Variants in LRMDA observed in about 807,000 individuals in gnomAD.
LRMDA encodes leucine-rich melanocyte differentiation-associated protein.
A neutral mutation model predicts 29.8 loss-of-function variants in LRMDA; 18 were observed. The observed-to-expected ratio is 0.60, with a 90% CI of 0.42 to 0.90. The LOEUF (loss-of-function observed/expected upper bound fraction) is 0.90, where lower values mean the gene tolerates loss of function less well. LRMDA is among the 40% of genes least tolerant of loss of function. The probability of loss-of-function intolerance (pLI) is 0.00; values close to 1 mark genes in which losing one functional copy is unlikely to be tolerated. For synonymous variants in LRMDA, 125 were observed against 109.4 expected (o/e 1.14, Z -0.89); for missense variants, 273 against 273.9 (o/e 1.00, Z 0.02).
chr10:76,202,768 A>T (rs1237963631), intron 5 of LRMDA, among the ~76,000 whole-genome samples: 1 of 151,924 alleles, frequency 6.6e-6, no homozygotes, highest in Non-Finnish European at 1.5e-5. Flanking sequence ...AATCTGGAGG[A>T]AGGAGCGGAC....
chr10:76,297,737 C>T (rs1840429092), intron 5 of LRMDA, among the ~76,000 whole-genome samples: 1 of 152,106 alleles, frequency 6.6e-6, no homozygotes, highest in African/African-American at 2.4e-5. Flanking sequence ...AAGTCATTAT[C>T]ACCATTGCCC....
intron 2 of LRMDA, among the ~76,000 whole-genome samples, chr10:75,617,370 G>T (rs1366871609): frequency 6.6e-6 from 1 of 152,124 alleles, no homozygotes; most frequent in East Asian, 1.9e-4. Flanking sequence ...GGAGTACATG[G>T]TGGCAGCTTG....
At chr10:76,434,348 T>C (rs570340658) in intron 6 of LRMDA, among the ~76,000 whole-genome samples, 5 of 152,162 alleles carry the variant, frequency 3.3e-5, no homozygotes, top group Admixed American at 6.5e-5. Context: ...TCTTTAATTT[T>C]CTTCCTTTCT....
chr10:76,236,518 A>G (rs1191399016), intron 5 of LRMDA, among the ~76,000 whole-genome samples: 22 of 152,332 alleles, frequency 1.4e-4, no homozygotes, highest in Non-Finnish European at 4.4e-5. Context: ...TCCCTGTCCC[A>G]TGACTTACTC....
chr10:75,492,017 C>G (rs749038955), intron 2 of LRMDA, among the ~76,000 whole-genome samples: 4 of 152,142 alleles, frequency 2.6e-5, no homozygotes, highest in Non-Finnish European at 5.9e-5. Flanking sequence ...GAACAGTGCC[C>G]TCAAGATAAA....
At chr10:75,455,557 G>A (rs1027467126) in intron 2 of LRMDA, among the ~76,000 whole-genome samples, 3 of 152,154 alleles carry the variant, frequency 2.0e-5, no homozygotes, top group African/African-American at 7.2e-5. Context: ...TCTACTGCCT[G>A]GGAAGCTTAT....
intron 2 of LRMDA, among the ~76,000 whole-genome samples, chr10:75,787,887 G>C (rs1190965308): frequency 2.0e-5 from 3 of 152,268 alleles, no homozygotes; most frequent in African/African-American, 7.2e-5. Context: ...AAATTAGCTG[G>C]GCATGGTGGT....
intron 3 of LRMDA, among the ~76,000 whole-genome samples, chr10:76,037,909 G>A (rs976830808): frequency 1.3e-5 from 2 of 152,292 alleles, no homozygotes; most frequent in Non-Finnish European, 1.5e-5. Flanking sequence ...AAGTAGAAGG[G>A]GAGGGCCTAC....
intron 5 of LRMDA, among the ~76,000 whole-genome samples, chr10:76,127,394 G>A (rs532505870): frequency 3.0e-4 from 46 of 152,270 alleles, no homozygotes; most frequent in South Asian, 1.7e-3. Flanking sequence ...AAATATACTG[G>A]CTGCAGCACA....
At chr10:76,112,352 T>A (rs1034283638) in intron 5 of LRMDA, among the ~76,000 whole-genome samples, 1 of 152,146 alleles carries the variant, frequency 6.6e-6, no homozygotes, top group African/African-American at 2.4e-5. Context: ...TGCTTATCGC[T>A]AAGTGAGATC....
At chr10:76,211,579 T>TAA (rs1408459032) in intron 5 of LRMDA, among the ~76,000 whole-genome samples, 25 of 152,316 alleles carry the variant, frequency 1.6e-4, no homozygotes, top group African/African-American at 6.0e-4. Flanking sequence ...ATTTTTTACT[T>TAA]TATAGTTTGC....
At chr10:75,863,236 G>T (rs544129241) in intron 2 of LRMDA, among the ~76,000 whole-genome samples, 1 of 152,160 alleles carries the variant, frequency 6.6e-6, no homozygotes, top group African/African-American at 2.4e-5. Flanking sequence ...GTTAGCGTTG[G>T]GGGGAGGGGA....
intron 2 of LRMDA, among the ~76,000 whole-genome samples, chr10:75,896,311 G>A (rs1442753034): frequency 6.6e-6 from 1 of 152,182 alleles, no homozygotes; most frequent in Non-Finnish European, 1.5e-5. Flanking sequence ...TGAAAGCAAG[G>A]AAAACAGTAT....
intron 5 of LRMDA, among the ~76,000 whole-genome samples, chr10:76,265,316 G>A (rs543432442): frequency 1.4e-4 from 21 of 152,196 alleles, no homozygotes; most frequent in African/African-American, 5.1e-4. Flanking sequence ...TTTTATTATT[G>A]CTCTTCCACC....
intron 6 of LRMDA, among the ~76,000 whole-genome samples, chr10:76,448,660 T>C (rs1314676150): frequency 8.5e-5 from 13 of 152,066 alleles, no homozygotes. Context: ...TAAATGAGAC[T>C]CTAGATTCCT....
chr10:75,792,581 T>A (rs1196954648), intron 2 of LRMDA, among the ~76,000 whole-genome samples: 1 of 152,132 alleles, frequency 6.6e-6, no homozygotes, highest in Non-Finnish European at 1.5e-5. Flanking sequence ...TTTTTAACCA[T>A]TGAACACCTT....
chr10:76,225,380 G>A (rs1202260973), intron 5 of LRMDA, among the ~76,000 whole-genome samples: 5 of 151,778 alleles, frequency 3.3e-5, no homozygotes, highest in Admixed American at 6.6e-5. Context: ...CGATGCCACC[G>A]CACTCCAGCC....
intron 5 of LRMDA, among the ~76,000 whole-genome samples, chr10:76,125,587 T>C (rs1849866072): frequency 6.6e-6 from 1 of 152,186 alleles, no homozygotes; most frequent in Admixed American, 6.5e-5. Context: ...GCCTACCATC[T>C]GTCAAGGCAG....
intron 5 of LRMDA, among the ~76,000 whole-genome samples, chr10:76,110,624 G>A (rs1849561824): frequency 6.6e-6 from 1 of 152,114 alleles, no homozygotes; most frequent in African/African-American, 2.4e-5. Flanking sequence ...TCTTTCCCAT[G>A]CTCTTCTCGT....
Sources: allele counts gnomAD v4.1 joint callset (sites outside exome capture counted in the v4.1 genomes callset), GRCh38; gene constraint gnomAD v4.1.1; transcripts MANE v1.5; gene names NCBI Gene and HGNC (gene_info 2026-07-23, HGNC 2026-07-21).